WIPF3: variants seen among roughly 807,000 people sequenced by gnomAD.
WIPF3 encodes the protein WAS/WASL-interacting protein family member 3.
A neutral mutation model predicts 38.9 loss-of-function variants in WIPF3; 33 were observed. The observed-to-expected ratio is 0.85, with a 90% CI of 0.64 to 1.14. The LOEUF (loss-of-function observed/expected upper bound fraction) is 1.14, where lower values mean the gene tolerates loss of function less well. WIPF3 is among the 50% of genes most tolerant of loss of function. The pLI is 0.00. For synonymous variants in WIPF3, 324 were observed against 269.3 expected, an observed-to-expected ratio of 1.20 and a Z score of -1.99; for missense variants, 711 against 652.5, an observed-to-expected ratio of 1.09 and a Z score of -0.98.
At chr7:29,827,897 G>A (rs1226200061) in intron 1 of WIPF3, among the ~76,000 whole-genome samples, 7 of 152,310 alleles carry the variant, frequency 4.6e-5, no homozygotes, top group Non-Finnish European at 8.8e-5. Flanking sequence ...CCAGGCTCAG[G>A]TGATCTTCCC....
At chr7:29,854,239 AGAATT>A (rs1785150811) in intron 2 of WIPF3, among the ~76,000 whole-genome samples, 2 of 152,262 alleles carry the variant, frequency 1.3e-5, no homozygotes, top group African/African-American at 4.8e-5. Context: ...TAATGTAAGA[AGAATT>A]TTAAAGGCTG....
chr7:29,852,765 GTGATGGC>G (rs1459162419), intron 2 of WIPF3, among the ~76,000 whole-genome samples: 14 of 152,204 alleles, frequency 9.2e-5, no homozygotes, highest in Non-Finnish European at 1.6e-4. Flanking sequence ...AGACCCAGTG[GTGATGGC>G]TGAGTTTCAG....
rs753925359 is a variant in WIPF3 at position 29,879,075 on chromosome 7, C to A, written c.290C>A (p.Thr97Asn). The change falls in exon 4 of 9, where the codon ACC becomes AAC. Residue 97 changes from threonine to asparagine, a missense_variant. Transcript: ENST00000242140. The stretch of plus-strand genomic sequence containing the variant: ...ACACGAGGCGCGAGCACACCTCCCA[C>A]CCTGGGAGATCTGTTTGCTGGTGGC... ...ANTRGASTPP[T>N]LGDLFAGGFP... 1.2e-5 allele frequency: 20 copies of A among 1,611,192 alleles called. 1 individual carries two copies. The African/African-American group carries it at 2.1e-4, about 17-fold the overall frequency.
chr7:29,816,426 G>A (rs1784459290), intron 1 of WIPF3, among the ~76,000 whole-genome samples: 1 of 152,102 alleles, frequency 6.6e-6, no homozygotes, highest in Non-Finnish European at 1.5e-5. Context: ...CATCTCCTGA[G>A]CTCAAGCCTC....
intron 1 of WIPF3, among the ~76,000 whole-genome samples, chr7:29,834,108 G>A (rs1032929005): frequency 2.0e-5 from 3 of 152,166 alleles, no homozygotes; most frequent in African/African-American, 7.2e-5. Context: ...TAGAAATGAT[G>A]ACACAGGAAT....
chr7:29,893,922 A>G (rs762338707), intron 7 of WIPF3, among the ~76,000 whole-genome samples: 1 of 152,224 alleles, frequency 6.6e-6, no homozygotes, highest in Non-Finnish European at 1.5e-5. Flanking sequence ...AGGACCAGAG[A>G]ATACATATTT....
intron 1 of WIPF3, among the ~76,000 whole-genome samples, chr7:29,824,209 G>A (rs906268618): frequency 6.6e-6 from 1 of 152,174 alleles, no homozygotes; most frequent in African/African-American, 2.4e-5. Context: ...TACGGATGCT[G>A]AGGCATGAGA....
intron 8 of WIPF3, among the ~76,000 whole-genome samples, chr7:29,908,257 A>C (rs992339095): frequency 1.3e-5 from 2 of 152,244 alleles, no homozygotes; most frequent in African/African-American, 4.8e-5. Flanking sequence ...AAGAAACAAA[A>C]AGGACATTAT....
intron 1 of WIPF3, among the ~76,000 whole-genome samples, chr7:29,831,438 T>A (rs944524543): frequency 6.6e-6 from 1 of 152,222 alleles, no homozygotes; most frequent in Non-Finnish European, 1.5e-5. Flanking sequence ...CCAGAAATGA[T>A]GTTCTACCAG....
rs140473683 is a variant in WIPF3, at chr7:29,912,272, A to G, written c.1429-2221A>G. Among the ~76,000 whole-genome samples the G allele has an allele frequency of 5.7e-3, 866 of 152,298 alleles. 4 individuals carry two copies. The highest frequency in any genetic ancestry group is 0.019 in the African/African-American group (803 of 41,568). The stretch of plus-strand genomic sequence containing the variant: ...GACGGCTGCTATCAAAACAAAACAA[A>G]ATAACAAGTGGTGGCAAAGATGTGG... On this transcript the variant is annotated intron_variant, in intron 8 of 8. Coordinates refer to ENST00000242140, the MANE Select transcript of WIPF3 (RefSeq NM_001080529.3).
intron 8 of WIPF3, among the ~76,000 whole-genome samples, chr7:29,913,017 AATGT>A (rs1052758156): frequency 2.0e-5 from 3 of 152,342 alleles, no homozygotes; most frequent in African/African-American, 7.2e-5. Flanking sequence ...AAACATTATG[AATGT>A]ATTTAATACC....
intron 2 of WIPF3, among the ~76,000 whole-genome samples, chr7:29,867,276 A>G (rs1402999934): frequency 6.6e-6 from 1 of 152,236 alleles, no homozygotes; most frequent in Non-Finnish European, 1.5e-5. Context: ...AAAGAGAGCA[A>G]GGAGCCATAG....
At chr7:29,809,018 C>T (rs1412916613) in intron 1 of WIPF3, among the ~76,000 whole-genome samples, 1 of 152,064 alleles carries the variant, frequency 6.6e-6, no homozygotes, top group Non-Finnish European at 1.5e-5. Context: ...GAAACCTACA[C>T]AAATAACTCA....
At chr7:29,820,972 G>GT (rs1172224174) in intron 1 of WIPF3, among the ~76,000 whole-genome samples, 1 of 152,014 alleles carries the variant, frequency 6.6e-6, no homozygotes, top group East Asian at 1.9e-4. Flanking sequence ...TTCCGATAGC[G>GT]TATTTCCATA....
intron 2 of WIPF3, among the ~76,000 whole-genome samples, chr7:29,839,170 G>A (rs149831229): frequency 6.6e-6 from 1 of 152,242 alleles, no homozygotes; most frequent in East Asian, 1.9e-4. Flanking sequence ...CACAGGTGGC[G>A]ATGACATACA....
At chr7:29,806,837 C>T (rs913532258) in intron 1 of WIPF3, among the ~76,000 whole-genome samples, 159 bp downstream of exon 1, 3 of 151,412 alleles carry the variant, frequency 2.0e-5, no homozygotes, top group African/African-American at 7.3e-5. Flanking sequence ...CGGGCTGCAG[C>T]CCCGGGCCCA....
At chr7:29,886,086 A>G (rs1263327208) in intron 5 of WIPF3, among the ~76,000 whole-genome samples, 1 of 152,072 alleles carries the variant, frequency 6.6e-6, no homozygotes, top group Non-Finnish European at 1.5e-5. Context: ...ATTTTTTGTT[A>G]TTATGAGTAA....
chr7:29,852,137 G>C (rs781494177), intron 2 of WIPF3, among the ~76,000 whole-genome samples: 1 of 152,138 alleles, frequency 6.6e-6, no homozygotes, highest in Non-Finnish European at 1.5e-5. Flanking sequence ...AAATAGCTGA[G>C]ACTACAGGCA....
chr7:29,858,746 T>C (rs1785228080), intron 2 of WIPF3, among the ~76,000 whole-genome samples: 1 of 152,224 alleles, frequency 6.6e-6, no homozygotes, highest in African/African-American at 2.4e-5. Flanking sequence ...ACTGTACTTT[T>C]CAGGGAGAGT....
Sources: allele counts gnomAD v4.1 joint callset (sites outside exome capture counted in the v4.1 genomes callset), GRCh38; gene constraint gnomAD v4.1.1; transcripts MANE v1.5; gene names NCBI Gene and HGNC (gene_info 2026-07-23, HGNC 2026-07-21).